CPS1: variants seen among roughly 807,000 people sequenced by gnomAD.
CPS1 encodes carbamoyl-phosphate synthase 1.
Under a neutral mutation model 174.6 loss-of-function variants are expected in CPS1, and 109 were observed. The observed-to-expected ratio is 0.62, with a 90% CI of 0.53 to 0.73. The LOEUF (loss-of-function observed/expected upper bound fraction) is 0.73. Among genes scored for constraint, CPS1 ranks in the 30% least tolerant of loss-of-function variants. The pLI is 0.00. For missense variants in CPS1, 1,689 were observed against 1,821.9 expected, an observed-to-expected ratio of 0.93 and a Z score of 1.33; for synonymous variants, 637 against 632.0, an observed-to-expected ratio of 1.01 and a Z score of -0.12.
chr2:210,576,129 T>G (rs936272142), intron 2 of CPS1, among the ~76,000 whole-genome samples: 3 of 152,090 alleles, frequency 2.0e-5, no homozygotes, highest in Admixed American at 6.6e-5. Context: ...AAAATATACC[T>G]TGGTACTCAC....
intron 1 of CPS1, among the ~76,000 whole-genome samples, chr2:210,500,642 G>C (rs1695114605): frequency 6.6e-6 from 1 of 152,226 alleles, no homozygotes; most frequent in African/African-American, 2.4e-5. Context: ...GATGCAAGAG[G>C]AAGGCTCCCA....
At chr2:210,574,767 G>T (rs1487033743) in intron 2 of CPS1, among the ~76,000 whole-genome samples, 2 of 152,044 alleles carry the variant, frequency 1.3e-5, no homozygotes, top group Middle Eastern at 6.8e-3. Context: ...CTAAAACAAA[G>T]TATATTTATT....
chr2:210,579,044 C>T (rs1230472732), intron 4 of CPS1, among the ~76,000 whole-genome samples: 1 of 151,706 alleles, frequency 6.6e-6, no homozygotes, highest in African/African-American at 2.4e-5. Context: ...CCGGTGAGAA[C>T]AAATACATTG....
chr2:210,497,549 TCC>T (rs1399167203), intron 1 of CPS1, among the ~76,000 whole-genome samples: 1 of 152,006 alleles, frequency 6.6e-6, no homozygotes, highest in Non-Finnish European at 1.5e-5. Context: ...CATACCTCTC[TCC>T]CCACTCCAAC....
chr2:210,643,862 G>C (rs1700298332), intron 25 of CPS1, among the ~76,000 whole-genome samples: 1 of 151,990 alleles, frequency 6.6e-6, no homozygotes, highest in Non-Finnish European at 1.5e-5. Context: ...GACAGGTGGG[G>C]ATCAAAATAA....
chr2:210,654,189 CATA>C (rs1700641417), intron 29 of CPS1, 87 bp downstream of exon 29: 5 of 1,205,782 alleles, frequency 4.1e-6, no homozygotes, highest in Non-Finnish European at 6.1e-6. Flanking sequence ...GGTTAGAATT[CATA>C]ATATCTATAA....
At chr2:210,584,490 A>C (rs376513240) in intron 6 of CPS1, among the ~76,000 whole-genome samples, 9 of 152,262 alleles carry the variant, frequency 5.9e-5, no homozygotes, top group East Asian at 1.9e-4. Context: ...TATTCACCAC[A>C]ACATTTTATT....
intron 37 of CPS1, 46 bp downstream of exon 37, chr2:210,677,182 T>G (rs1701563395): frequency 6.3e-7 from 1 of 1,589,340 alleles, no homozygotes; most frequent in Non-Finnish European, 8.6e-7. Flanking sequence ...GTTTTATTTC[T>G]GTGCCTCCCT....
At chr2:210,563,396 A>G (rs1697170530) in intron 1 of CPS1, among the ~76,000 whole-genome samples, 1 of 152,142 alleles carries the variant, frequency 6.6e-6, no homozygotes, top group Non-Finnish European at 1.5e-5. Context: ...AATGCTGTTT[A>G]CAGTTGACGT....
chr2:210,576,931 C>T (rs1697730350), intron 3 of CPS1, among the ~76,000 whole-genome samples: 1 of 152,082 alleles, frequency 6.6e-6, no homozygotes, highest in African/African-American at 2.4e-5. Flanking sequence ...TTTGGATACT[C>T]TCTTAGGAAT....
chr2:210,534,828 A>T (rs1488815797), intron 1 of CPS1, among the ~76,000 whole-genome samples: 1 of 152,128 alleles, frequency 6.6e-6, no homozygotes, highest in East Asian at 1.9e-4. Flanking sequence ...GATTATCCTT[A>T]TAGATGATCT....
chr2:210,613,558 A>G (rs950044712), intron 20 of CPS1, among the ~76,000 whole-genome samples: 3 of 150,210 alleles, frequency 2.0e-5, no homozygotes, highest in South Asian at 2.1e-4. Context: ...TGACATTCAT[A>G]TGTGTGTGTG....
At chr2:210,514,948 A>G (rs1695639276) in intron 1 of CPS1, among the ~76,000 whole-genome samples, 1 of 151,064 alleles carries the variant, frequency 6.6e-6, no homozygotes, top group Admixed American at 6.6e-5. Flanking sequence ...TACCTCTTTT[A>G]CAATGATCAT....
In CPS1 at chr2:210,556,721, A is replaced by G; in HGVS notation, c.-13A>G. Reference sequence around the variant, plus strand: ...TATGTAATTTCATTTAATTTTAGCCACAAATCATCAAAATGACGAGGATTT... The same window carrying G: ...TATGTAATTTCATTTAATTTTAGCCGCAAATCATCAAAATGACGAGGATTT... On this transcript the variant is annotated 5_prime_UTR_variant, in exon 1 of 38. Coordinates refer to ENST00000233072, the MANE Select transcript of CPS1 (RefSeq NM_001875.5). 6.3e-7 allele frequency: 1 copy of G among 1,576,528 alleles called. No homozygotes were observed. The highest frequency in any genetic ancestry group is 2.3e-5 in the East Asian group (1 of 44,068).
At chr2:210,551,724 C>T (rs1249860303), upstream of CPS1, among the ~76,000 whole-genome samples, 1 of 151,880 alleles carries the variant, frequency 6.6e-6, no homozygotes, top group East Asian at 1.9e-4. Context: ...TAAGCATATT[C>T]ATCATAATTT....
chr2:210,505,545 G>A (rs1695254670), intron 1 of CPS1, among the ~76,000 whole-genome samples: 1 of 152,088 alleles, frequency 6.6e-6, no homozygotes, highest in Non-Finnish European at 1.5e-5. Flanking sequence ...AGTGGGTGCA[G>A]GACAGTGGGT....
intron 11 of CPS1, chr2:210,593,622 G>C: frequency 1.0e-6 from 1 of 985,278 alleles, no homozygotes; most frequent in Non-Finnish European, 1.2e-6. Context: ...CCCACACCCA[G>C]GGGCCTCCAG....
At chr2:210,557,742 A>C (rs978186373) in intron 1 of CPS1, among the ~76,000 whole-genome samples, 1 of 152,084 alleles carries the variant, frequency 6.6e-6, no homozygotes, top group Non-Finnish European at 1.5e-5. Flanking sequence ...AAAATTTGAA[A>C]TAGAAAAAAC....
intron 24 of CPS1, among the ~76,000 whole-genome samples, chr2:210,640,535 G>T (rs1019313329): frequency 1.3e-5 from 2 of 152,164 alleles, no homozygotes; most frequent in Admixed American, 6.5e-5. Context: ...CATGGGTAGA[G>T]CATTATGTAG....
Sources: gnomAD v4.1 joint callset for allele counts (sites outside exome capture counted in the v4.1 genomes callset) on GRCh38, gnomAD v4.1.1 for gene constraint, MANE v1.5 for transcripts, NCBI Gene and HGNC (gene_info 2026-07-23, HGNC 2026-07-21) for gene names.